GPC5: variants seen among roughly 807,000 people sequenced by gnomAD.
GPC5 encodes the protein glypican-5.
In GPC5, 47 loss-of-function variants were observed where a neutral mutation model predicts 53.9. The ratio of observed to expected loss-of-function variants is 0.87; its 90% CI spans 0.69 to 1.11. The LOEUF is 1.11. Ranked by LOEUF, GPC5 falls within the 50% of genes most tolerant of loss-of-function variation. The pLI, the probability that GPC5 is intolerant of heterozygous loss-of-function variation, is 0.00. For synonymous variants in GPC5, 286 were observed against 263.3 expected (o/e 1.09, Z -0.84); for missense variants, 748 against 713.1 (o/e 1.05, Z -0.56).
rs869309251 is a variant in GPC5 at position 91,920,926 on chromosome 13, CTTTTTTT to C, written c.1401+12892_1401+12898del. Reference sequence around the variant, plus strand: ...TTTAAATCTCTCTCTCTCTCTCTCTCTTTTTTTTTTTTTTTTTTTTTTTTTTTTTGAG... The same window carrying C: ...TTTAAATCTCTCTCTCTCTCTCTCTCTTTTTTTTTTTTTTTTTTTTTTGAG... On this transcript the variant is annotated intron_variant, in intron 6 of 7. Coordinates refer to ENST00000377067, the MANE Select transcript of GPC5 (RefSeq NM_004466.6). Among the ~76,000 whole-genome samples, 9 of 32,154 alleles carry C rather than the reference CTTTTTTT, an allele frequency of 2.8e-4. No homozygotes were observed. In the South Asian group the frequency reaches 9.5e-3, roughly 34 times the overall value. 21.1% of individuals were successfully genotyped at this position (32,154 alleles called of 152,430 possible).
chr13:91,537,799 G>A (rs1886658448), intron 2 of GPC5, among the ~76,000 whole-genome samples: 1 of 152,158 alleles, frequency 6.6e-6, no homozygotes, highest in Non-Finnish European at 1.5e-5. Context: ...GAATTTACAG[G>A]ACATGAAAAT....
At chr13:92,527,033 C>T (rs996658452) in intron 7 of GPC5, among the ~76,000 whole-genome samples, 2 of 148,160 alleles carry the variant, frequency 1.3e-5, no homozygotes, top group Non-Finnish European at 3.0e-5. Flanking sequence ...GTGGTCAGGG[C>T]TGGACTTACA....
At chr13:92,462,582 A>G (rs766418226) in intron 7 of GPC5, among the ~76,000 whole-genome samples, 1 of 152,180 alleles carries the variant, frequency 6.6e-6, no homozygotes, top group Non-Finnish European at 1.5e-5. Context: ...ATAGTAGACA[A>G]TTGAATCTAT....
intron 7 of GPC5, among the ~76,000 whole-genome samples, chr13:92,145,482 C>T (rs1288524710): frequency 7.2e-6 from 1 of 139,510 alleles, no homozygotes; most frequent in African/African-American, 2.6e-5. Flanking sequence ...TTTCCCCTTC[C>T]AAAAAAAAAA....
At chr13:92,249,416 A>G (rs934294865) in intron 7 of GPC5, among the ~76,000 whole-genome samples, 2 of 152,134 alleles carry the variant, frequency 1.3e-5, no homozygotes, top group African/African-American at 4.8e-5. Context: ...TGTGATCAGT[A>G]TCTCTCCAAC....
At chr13:91,752,745 T>A (rs1306298654) in intron 4 of GPC5, among the ~76,000 whole-genome samples, 1 of 152,218 alleles carries the variant, frequency 6.6e-6, no homozygotes. Flanking sequence ...GGGTCTCACG[T>A]CACATGTCCA....
intron 1 of GPC5, among the ~76,000 whole-genome samples, chr13:91,414,943 C>T (rs1017527383): frequency 6.6e-6 from 1 of 152,184 alleles, no homozygotes; most frequent in African/African-American, 2.4e-5. Flanking sequence ...CTTCATGGTT[C>T]TCTAGTGCTA....
At chr13:91,740,564 A>G (rs1183388512) in intron 4 of GPC5, among the ~76,000 whole-genome samples, 1 of 152,116 alleles carries the variant, frequency 6.6e-6, no homozygotes, top group Non-Finnish European at 1.5e-5. Flanking sequence ...AATTTCCCCA[A>G]TCCATTTCTG....
At chr13:92,537,381 C>G (rs1881761408) in intron 7 of GPC5, among the ~76,000 whole-genome samples, 1 of 152,122 alleles carries the variant, frequency 6.6e-6, no homozygotes, top group Non-Finnish European at 1.5e-5. Flanking sequence ...CCATATAGCT[C>G]AAGTGATCAG....
At chr13:91,949,368 A>G (rs1594681921) in intron 6 of GPC5, among the ~76,000 whole-genome samples, 1 of 152,360 alleles carries the variant, frequency 6.6e-6, no homozygotes, top group East Asian at 1.9e-4. Flanking sequence ...CAGTAAAGAT[A>G]GTTAATTCAT....
At chr13:91,666,080 C>T (rs2035104971) in intron 2 of GPC5, among the ~76,000 whole-genome samples, 1 of 152,122 alleles carries the variant, frequency 6.6e-6, no homozygotes, top group Non-Finnish European at 1.5e-5. Flanking sequence ...CTCTTATTGT[C>T]TTCATATTTG....
At chr13:92,584,276 G>T (rs915528855) in intron 7 of GPC5, among the ~76,000 whole-genome samples, 1 of 152,170 alleles carries the variant, frequency 6.6e-6, no homozygotes, top group African/African-American at 2.4e-5. Context: ...GCCTGATAGT[G>T]ATATGGACAA....
chr13:92,204,303 T>C (rs1010310020), intron 7 of GPC5, among the ~76,000 whole-genome samples: 4 of 152,222 alleles, frequency 2.6e-5, no homozygotes, highest in African/African-American at 9.6e-5. Flanking sequence ...GTTTACCATA[T>C]ATGCCAATCA....
intron 7 of GPC5, among the ~76,000 whole-genome samples, chr13:92,728,934 G>T (rs1483958384): frequency 6.6e-6 from 1 of 151,192 alleles, no homozygotes; most frequent in Non-Finnish European, 1.5e-5. Flanking sequence ...CAGTACTAGG[G>T]CAAAGAGTCG....
chr13:91,784,243 G>A (rs2037842843), intron 5 of GPC5, among the ~76,000 whole-genome samples: 1 of 152,102 alleles, frequency 6.6e-6, no homozygotes, highest in Non-Finnish European at 1.5e-5. Context: ...AATTTTATTT[G>A]AGATTGTCTT....
chr13:92,570,527 G>A lies in GPC5; in HGVS notation c.1562-295755G>A, dbSNP rs1302056383. Among the ~76,000 whole-genome samples the A allele has an allele frequency of 2.0e-5, 3 of 152,118 alleles. No individual in the cohort carries two copies. In the South Asian group the frequency reaches 6.2e-4, roughly 32 times the overall value. ...GTTATTTAATTTAAATCTTTTAGCA[G>A]ATATTGTTCTGTAACTCAAATACAA... On this transcript the variant is annotated intron_variant, in intron 7 of 7. Coordinates refer to ENST00000377067, the MANE Select transcript of GPC5 (RefSeq NM_004466.6).
intron 2 of GPC5, among the ~76,000 whole-genome samples, chr13:91,671,349 A>ATTTGGCTCTCTGCTTGCCTATT (rs1170525132): frequency 6.6e-6 from 1 of 152,126 alleles, no homozygotes; most frequent in African/African-American, 2.4e-5. Flanking sequence ...TGTGAATGGG[A>ATTTGGCTCTCTGCTTGCCTATT]GTTCATTCAT....
intron 7 of GPC5, among the ~76,000 whole-genome samples, chr13:92,426,313 T>A (rs1876832382): frequency 6.6e-6 from 1 of 152,038 alleles, no homozygotes; most frequent in Non-Finnish European, 1.5e-5. Flanking sequence ...TTCTTACCCT[T>A]TCTACAGCCA....
rs547279572 is a variant in GPC5 at position 92,840,256 on chromosome 13, AT to A, written c.1562-26025del. ...GGTTAAATAATATTCCATTGTATGTATATGTCACATTTGCTTTGTCCACTCA... is the reference window on the plus strand; with the variant it reads ...GGTTAAATAATATTCCATTGTATGTAATGTCACATTTGCTTTGTCCACTCA... On this transcript the variant is annotated intron_variant, in intron 7 of 7. Transcript: ENST00000377067. Among the ~76,000 whole-genome samples the A allele has an allele frequency of 6.6e-5, 10 of 151,810 alleles. No individual in the cohort carries two copies. The East Asian group carries it at 1.8e-3, about 27-fold the overall frequency.
Sources: allele counts gnomAD v4.1 joint callset (sites outside exome capture counted in the v4.1 genomes callset), GRCh38; gene constraint gnomAD v4.1.1; transcripts MANE v1.5; gene names NCBI Gene and HGNC (gene_info 2026-07-23, HGNC 2026-07-21).